GALNTL6: variants seen among roughly 807,000 people sequenced by gnomAD.
The protein encoded by GALNTL6 is polypeptide N-acetylgalactosaminyltransferase-like 6.
Under a neutral mutation model 73.7 loss-of-function variants are expected in GALNTL6, and 46 were observed. That is an observed-to-expected ratio of 0.62 (90% CI 0.49 to 0.80). GALNTL6 has a LOEUF of 0.80. GALNTL6 is among the 30% of genes least tolerant of loss of function. The pLI, the probability that GALNTL6 is intolerant of heterozygous loss-of-function variation, is 0.00. For missense variants in GALNTL6, 604 were observed against 755.0 expected, an observed-to-expected ratio of 0.80 and a Z score of 2.34; for synonymous variants, 259 against 263.7, an observed-to-expected ratio of 0.98 and a Z score of 0.17.
At position 173,009,312 on chromosome 4, in the gene GALNTL6, A is replaced by T; in HGVS notation, c.1488+18A>T. The T allele has an allele frequency of 6.7e-7, 1 of 1,503,006 alleles. No individual in the cohort carries two copies. Among genetic ancestry groups the T allele is most frequent in the Non-Finnish European group, 9.3e-7 (1 of 1,078,830 alleles). 93.1% of individuals were successfully genotyped at this position (1,503,006 alleles called of 1,614,324 possible). ...ATGAACAGGTGAGTCACCTCCCAGA[A>T]GCCAGGGCAGTGGGAACCAGTCGGG... On this transcript the variant is annotated intron_variant, in intron 11 of 12. Coordinates refer to ENST00000506823, the MANE Select transcript of GALNTL6 (RefSeq NM_001034845.3).
intron 2 of GALNTL6, among the ~76,000 whole-genome samples, chr4:171,913,478 A>G (rs1368517355): frequency 9.9e-5 from 15 of 152,218 alleles, no homozygotes; most frequent in Admixed American, 9.8e-4. Context: ...TTTGACACTT[A>G]TGGCTAAAAT....
At chr4:171,965,238 C>T (rs569151921) in intron 2 of GALNTL6, among the ~76,000 whole-genome samples, 5 of 152,104 alleles carry the variant, frequency 3.3e-5, no homozygotes, top group Admixed American at 2.6e-4. Flanking sequence ...GCATTTTGAT[C>T]ATTAGTATGC....
intron 2 of GALNTL6, among the ~76,000 whole-genome samples, chr4:172,018,576 G>A (rs1220336922): frequency 6.6e-6 from 1 of 152,000 alleles, no homozygotes; most frequent in South Asian, 2.1e-4. Flanking sequence ...TAACAGCTCC[G>A]AGTTTAGATC....
chr4:172,353,334 G>A (rs1478896781), intron 5 of GALNTL6, among the ~76,000 whole-genome samples: 1 of 151,772 alleles, frequency 6.6e-6, no homozygotes, highest in African/African-American at 2.4e-5. Flanking sequence ...GAATAATATG[G>A]GTGCAATAAG....
intron 5 of GALNTL6, among the ~76,000 whole-genome samples, chr4:172,459,662 T>G (rs747144203): frequency 4.6e-5 from 7 of 152,136 alleles, no homozygotes; most frequent in Admixed American, 4.6e-4. Flanking sequence ...ACAAGGGATA[T>G]GAAGGACCTC....
At position 172,809,677 on chromosome 4, in the gene GALNTL6, A is replaced by G. The variant is rs1472149903; in HGVS notation, c.739+131A>G. 3.2e-6 allele frequency: 2 copies of G among 633,752 alleles called. No homozygotes were observed. Among genetic ancestry groups the G allele is most frequent in the Non-Finnish European group, 2.6e-6 (1 of 382,574 alleles). The allele number at this position is 633,752 out of a possible 1,614,324, so 39.3% of individuals were successfully genotyped here. A position where few individuals can be genotyped will look rare whatever the true frequency, so the allele number is the denominator to read the frequency against. On this transcript the variant is annotated intron_variant, in intron 6 of 12. Coordinates refer to ENST00000506823, the MANE Select transcript of GALNTL6 (RefSeq NM_001034845.3). The surrounding 1 kb of genome is among the most constrained non-coding windows in gnomAD (Gnocchi z 4.4). ...TTTTCCAGGGGAAGCCTTGAATTTT[A>G]TATTTACCACTGCTGAAAACAGTTT...
In GALNTL6 at chr4:172,534,094, C is replaced by T. The variant is rs565740847; in HGVS notation, c.553+185405C>T. Among the ~76,000 whole-genome samples the T allele has an allele frequency of 1.8e-4, 27 of 152,236 alleles. No homozygotes were observed. In the South Asian group the frequency reaches 2.5e-3, roughly 14 times the overall value. On this transcript the variant is annotated intron_variant, in intron 5 of 12. Coordinates refer to ENST00000506823, the MANE Select transcript of GALNTL6 (RefSeq NM_001034845.3). ...GGGTATAATGTGAAGCCAGCCACCA[C>T]GGGGAAATGATTGGAACGTTTCCTG...
chr4:172,146,638 C>T (rs1346084573), intron 2 of GALNTL6, among the ~76,000 whole-genome samples: 1 of 152,086 alleles, frequency 6.6e-6, no homozygotes, highest in Admixed American at 6.5e-5. Context: ...GACAGTATCT[C>T]CTATTAAAAT....
chr4:172,742,252 C>A (rs1736850427), intron 5 of GALNTL6, among the ~76,000 whole-genome samples: 1 of 151,892 alleles, frequency 6.6e-6, no homozygotes, highest in African/African-American at 2.4e-5. Context: ...CTCTTGGTAG[C>A]TTTACATTTT....
intron 9 of GALNTL6, among the ~76,000 whole-genome samples, chr4:172,937,611 G>C (rs988870579): frequency 1.6e-4 from 24 of 152,320 alleles, no homozygotes; most frequent in African/African-American, 5.3e-4. Flanking sequence ...AATGCTTACT[G>C]TGCCAGTCAG....
chr4:172,462,047 T>G (rs1732640075), intron 5 of GALNTL6, among the ~76,000 whole-genome samples: 1 of 152,160 alleles, frequency 6.6e-6, no homozygotes, highest in Non-Finnish European at 1.5e-5. Context: ...GACATCCATC[T>G]TCTCTTGTGT....
intron 12 of GALNTL6, among the ~76,000 whole-genome samples, chr4:173,027,231 C>T (rs1303546140): frequency 1.3e-5 from 2 of 152,192 alleles, no homozygotes; most frequent in South Asian, 4.1e-4. Flanking sequence ...ATCCCGCCCA[C>T]CTCTACCTCC....
intron 2 of GALNTL6, among the ~76,000 whole-genome samples, chr4:171,989,302 G>A (rs545892160): frequency 1.1e-4 from 17 of 152,294 alleles, no homozygotes; most frequent in East Asian, 7.7e-4. Context: ...CTTCAGCCAC[G>A]AAGCCGAGAA....
At chr4:171,892,717 C>T (rs1034876761) in intron 2 of GALNTL6, among the ~76,000 whole-genome samples, 11 of 151,956 alleles carry the variant, frequency 7.2e-5, no homozygotes, top group Non-Finnish European at 1.6e-4. Flanking sequence ...TATGACACAA[C>T]ACCTGGATAA....
chr4:172,018,900 G>C (rs535993810), intron 2 of GALNTL6, among the ~76,000 whole-genome samples: 46 of 152,178 alleles, frequency 3.0e-4, no homozygotes, highest in South Asian at 6.2e-4. Flanking sequence ...TGGAGAATGG[G>C]AGTGCCTATA....
At chr4:172,589,197 C>T (rs1242884382) in intron 5 of GALNTL6, among the ~76,000 whole-genome samples, 1 of 152,038 alleles carries the variant, frequency 6.6e-6, no homozygotes, top group Admixed American at 6.6e-5. Flanking sequence ...CCCTACTAAC[C>T]TGAGAAGAAA....
At chr4:171,894,128 T>G (rs1157452115) in intron 2 of GALNTL6, among the ~76,000 whole-genome samples, 1 of 152,196 alleles carries the variant, frequency 6.6e-6, no homozygotes, top group Non-Finnish European at 1.5e-5. Context: ...ATTAAGACTG[T>G]CACTAAGAAT....
intron 2 of GALNTL6, among the ~76,000 whole-genome samples, chr4:172,212,946 C>T (rs1736376693): frequency 6.6e-6 from 1 of 151,940 alleles, no homozygotes; most frequent in African/African-American, 2.4e-5. Context: ...GCTGGGATTA[C>T]AGGCGTGAGC....
intron 2 of GALNTL6, among the ~76,000 whole-genome samples, chr4:172,216,490 C>T (rs1042809546): frequency 6.6e-6 from 1 of 152,032 alleles, no homozygotes; most frequent in Non-Finnish European, 1.5e-5. Flanking sequence ...GAGATTTTCT[C>T]CTTGTCTTCT....
Sources: allele counts gnomAD v4.1 joint callset (sites outside exome capture counted in the v4.1 genomes callset), GRCh38; gene constraint gnomAD v4.1.1; non-coding constraint Gnocchi (gnomAD v3.1); transcripts MANE v1.5; gene names NCBI Gene and HGNC (gene_info 2026-07-23, HGNC 2026-07-21).